The following AEBP2 variants were observed in gnomAD, a reference collection of about 807,000 sequenced individuals.
AEBP2 encodes AE binding protein 2.
Under a neutral mutation model 50.8 loss-of-function variants are expected in AEBP2, and 10 were observed. That is an observed-to-expected ratio of 0.20 (90% confidence interval 0.12 to 0.33). The LOEUF is 0.33. Ranked by LOEUF, AEBP2 falls within the 10% of genes least tolerant of loss-of-function variation. The probability of loss-of-function intolerance (pLI) is 1.00; values close to 1 mark genes in which losing one functional copy is unlikely to be tolerated. For synonymous variants in AEBP2, 296 were observed against 261.3 expected, an observed-to-expected ratio of 1.13 and a Z score of -1.28; for missense variants, 570 against 688.0, an observed-to-expected ratio of 0.83 and a Z score of 1.92.
intron 2 of AEBP2, among the ~76,000 whole-genome samples, chr12:19,470,921 ACTTT>A (rs1401970378): frequency 3.3e-5 from 5 of 152,294 alleles, no homozygotes; most frequent in Admixed American, 2.6e-4. Context: ...GTTCCCAAAT[ACTTT>A]CTTTAAGGCA....
intron 5 of AEBP2, among the ~76,000 whole-genome samples, chr12:19,504,321 G>A (rs1207371008): frequency 2.0e-5 from 3 of 151,236 alleles, no homozygotes; most frequent in Non-Finnish European, 4.4e-5. Flanking sequence ...TGCAAGCTCC[G>A]CCTCCCAGGT....
chr12:19,494,680 G>A (rs901216952), intron 4 of AEBP2, among the ~76,000 whole-genome samples: 4 of 151,630 alleles, frequency 2.6e-5, no homozygotes, highest in African/African-American at 7.3e-5. Flanking sequence ...ACACCCAGCC[G>A]ATAGCAAAAC....
At chr12:19,425,002 C>A (rs2095747798) in intron 1 of AEBP2, among the ~76,000 whole-genome samples, 1 of 151,988 alleles carries the variant, frequency 6.6e-6, no homozygotes, top group Non-Finnish European at 1.5e-5. Context: ...ATGTGAGACT[C>A]CATCTCAAAA....
intron 7 of AEBP2, among the ~76,000 whole-genome samples, chr12:19,516,689 A>G (rs1375872029): frequency 6.6e-6 from 1 of 152,114 alleles, no homozygotes; most frequent in Admixed American, 6.5e-5. Context: ...TTCTTAAGAT[A>G]TATTAGGTGC....
chr12:19,481,370 T>C (rs1204054716), intron 3 of AEBP2, among the ~76,000 whole-genome samples: 1 of 152,194 alleles, frequency 6.6e-6, no homozygotes, highest in East Asian at 1.9e-4. Context: ...CCCAGAGTGC[T>C]GGGATTACAG....
At chr12:19,439,307 G>A (rs189071275), upstream of AEBP2, among the ~76,000 whole-genome samples, 1 of 151,882 alleles carries the variant, frequency 6.6e-6, no homozygotes, top group Admixed American at 6.6e-5. Flanking sequence ...TTCAGTCCGC[G>A]TGTCCCTGGG....
chr12:19,446,970 T>C (rs1948081714), intron 1 of AEBP2, among the ~76,000 whole-genome samples: 1 of 152,068 alleles, frequency 6.6e-6, no homozygotes, highest in African/African-American at 2.4e-5. Context: ...TGGAACGTGT[T>C]GTATAGTTAG....
chr12:19,456,342 T>G (rs868636689), intron 1 of AEBP2: 1 of 1,411,744 alleles, frequency 7.1e-7, no homozygotes, highest in Middle Eastern at 2.5e-4. Context: ...TGCAACTGTC[T>G]GTCTCATATC....
Position 19,446,565 on chromosome 12 carries a change from T to C in AEBP2, c.671+6195T>C, listed in dbSNP as rs574863317. ...TAACACGGTGAAACCCCGTCTCTACTAAAAATACAGAAAAAAATTAGCTGG... is the reference window on the plus strand; with the variant it reads ...TAACACGGTGAAACCCCGTCTCTACCAAAAATACAGAAAAAAATTAGCTGG... On this transcript the variant is annotated intron_variant, in intron 1 of 7. Transcript: ENST00000266508. Among the ~76,000 whole-genome samples, 10 of 152,038 alleles carry C rather than the reference T, an allele frequency of 6.6e-5. No individual in the cohort carries two copies. The East Asian group carries it at 1.9e-3, about 29-fold the overall frequency.
At chr12:19,482,375 C>CT (rs1416737175) in intron 3 of AEBP2, among the ~76,000 whole-genome samples, 3 of 152,274 alleles carry the variant, frequency 2.0e-5, no homozygotes, top group Non-Finnish European at 4.4e-5. Context: ...TACTTGCTTT[C>CT]TTGAATACTG....
At chr12:19,412,082 A>G (rs148665881) in intron 1 of AEBP2, among the ~76,000 whole-genome samples, 1 of 152,334 alleles carries the variant, frequency 6.6e-6, no homozygotes, top group Non-Finnish European at 1.5e-5. Context: ...AGTTCTTCTT[A>G]TTCTGCAGCT....
chr12:19,463,402 T>G (rs547566337), intron 2 of AEBP2, among the ~76,000 whole-genome samples: 120 of 152,302 alleles, frequency 7.9e-4, no homozygotes, highest in Middle Eastern at 6.8e-3. Flanking sequence ...TGTTGAATAG[T>G]TATCACACTT....
intron 1 of AEBP2, among the ~76,000 whole-genome samples, chr12:19,448,589 G>A (rs1390151309): frequency 6.6e-6 from 1 of 151,928 alleles, no homozygotes; most frequent in East Asian, 1.9e-4. Flanking sequence ...GTAATTGGTT[G>A]AATTCAACTT....
At chr12:19,511,948 A>G (rs770648773) in intron 5 of AEBP2, among the ~76,000 whole-genome samples, 4 of 152,158 alleles carry the variant, frequency 2.6e-5, no homozygotes, top group Non-Finnish European at 4.4e-5. Context: ...TTTGAGTGCT[A>G]CAAGACAGGG....
chr12:19,488,805 TTTG>T (rs1373306899), intron 3 of AEBP2, among the ~76,000 whole-genome samples: 1 of 152,198 alleles, frequency 6.6e-6, no homozygotes, highest in Non-Finnish European at 1.5e-5. Context: ...ATATTTTTTT[TTTG>T]TTATTTGAGA....
intron 6 of AEBP2, among the ~76,000 whole-genome samples, chr12:19,513,816 C>A (rs1315743986): frequency 1.3e-5 from 2 of 150,470 alleles, no homozygotes; most frequent in Non-Finnish European, 2.9e-5. Flanking sequence ...ATTGATTAAT[C>A]CAAATATCAA....
At chr12:19,483,590 G>A (rs1948762450) in intron 3 of AEBP2, among the ~76,000 whole-genome samples, 2 of 152,168 alleles carry the variant, frequency 1.3e-5, no homozygotes, top group African/African-American at 4.8e-5. Flanking sequence ...GGAGCTGCAT[G>A]TTAGCCCTTT....
At chr12:19,484,407 GCT>G (rs1387762091) in intron 3 of AEBP2, among the ~76,000 whole-genome samples, 1 of 151,592 alleles carries the variant, frequency 6.6e-6, no homozygotes, top group African/African-American at 2.4e-5. Flanking sequence ...GTCTTGCTGT[GCT>G]CTGTTGCCAG....
chr12:19,444,198 C>T (rs1231963157), intron 1 of AEBP2, among the ~76,000 whole-genome samples: 1 of 152,048 alleles, frequency 6.6e-6, no homozygotes. Context: ...TTTCATTCTT[C>T]CAACACAGTA....
Sources: allele counts gnomAD v4.1 joint callset (sites outside exome capture counted in the v4.1 genomes callset), GRCh38; gene constraint gnomAD v4.1.1; transcripts MANE v1.5; gene names NCBI Gene and HGNC (gene_info 2026-07-23, HGNC 2026-07-21).